RYR3: variants seen among roughly 807,000 people sequenced by gnomAD.
RYR3 encodes ryanodine receptor 3.
A neutral mutation model predicts 584.3 loss-of-function variants in RYR3; 207 were observed. The ratio of observed to expected loss-of-function variants is 0.35; its 90% CI spans 0.32 to 0.40. The LOEUF (loss-of-function observed/expected upper bound fraction) is 0.40, where lower values mean the gene tolerates loss of function less well. Ranked by LOEUF, RYR3 falls within the 10% of genes least tolerant of loss-of-function variation. The pLI is 1.00. For synonymous variants in RYR3, 2,416 were observed against 2,248.5 expected, an observed-to-expected ratio of 1.07 and a Z score of -2.11; for missense variants, 5,616 against 6,089.2, an observed-to-expected ratio of 0.92 and a Z score of 2.59.
At chr15:33,582,475 T>A (rs1257655353) in intron 14 of RYR3, among the ~76,000 whole-genome samples, 4 of 152,210 alleles carry the variant, frequency 2.6e-5, no homozygotes, top group Non-Finnish European at 5.9e-5. Flanking sequence ...CCCTGTAAAG[T>A]GTCTTCAAAC....
intron 19 of RYR3, among the ~76,000 whole-genome samples, chr15:33,620,984 T>G (rs1179818891): frequency 6.6e-6 from 1 of 152,256 alleles, no homozygotes; most frequent in Non-Finnish European, 1.5e-5. Context: ...TGTTAATTTA[T>G]TTTACAGTTT....
At chr15:33,628,232 A>G (rs1595887473) in intron 20 of RYR3, among the ~76,000 whole-genome samples, 1 of 152,278 alleles carries the variant, frequency 6.6e-6, no homozygotes, top group Admixed American at 6.5e-5. Flanking sequence ...AGAACATTCA[A>G]CACATACACC....
At chr15:33,724,614 G>A (rs1014892013) in intron 45 of RYR3, among the ~76,000 whole-genome samples, 7 of 152,170 alleles carry the variant, frequency 4.6e-5, no homozygotes, top group Non-Finnish European at 7.3e-5. Flanking sequence ...CAGAGGTAGA[G>A]TTTGCAAACA....
rs68182512 is a variant in RYR3, at chr15:33,425,637, A to ATTTTTT, written c.52-47765_52-47760dup. On this transcript the variant is annotated intron_variant, in intron 1 of 103. Coordinates refer to ENST00000634891, the MANE Select transcript of RYR3 (RefSeq NM_001036.6). Reference sequence around the variant, plus strand: ...AGCTTCTACTAGGTTGAGACTCACAATTTTTTTTTTTTTTTTTTTTTTGAG... The same window carrying ATTTTTT: ...AGCTTCTACTAGGTTGAGACTCACAATTTTTTTTTTTTTTTTTTTTTTTTTTTTGAG... 6.3e-4 allele frequency among the ~76,000 whole-genome samples: 77 copies of ATTTTTT among 121,800 alleles called. 2 individuals are homozygous for ATTTTTT. The highest frequency in any genetic ancestry group is 1.9e-3 in the African/African-American group (56 of 30,050). The allele number at this position is 121,800 out of a possible 152,430, so 79.9% of individuals were successfully genotyped here. A position where few individuals can be genotyped will look rare whatever the true frequency, so the allele number is the denominator to read the frequency against.
intron 12 of RYR3, among the ~76,000 whole-genome samples, chr15:33,574,899 G>A (rs2058215835): frequency 6.6e-6 from 1 of 152,078 alleles, no homozygotes; most frequent in Admixed American, 6.6e-5. Flanking sequence ...CACATGCAAA[G>A]ACATGCATAA....
chr15:33,669,321 A>T, intron 36 of RYR3, 33 bp from the exon 37 acceptor site: 1 of 1,578,722 alleles, frequency 6.3e-7, no homozygotes, highest in East Asian at 2.2e-5. Context: ...AACATTGAGA[A>T]CCAACTAGCT....
rs369733746 is a variant in RYR3 at position 33,854,496 on chromosome 15, G to A, written c.13860+47G>A. 2.2e-3 allele frequency: 3,286 copies of A among 1,465,930 alleles called. 100 individuals are homozygous for A. The South Asian group carries it at 0.039, about 17-fold the overall frequency. The allele number at this position is 1,465,930 out of a possible 1,614,324, so 90.8% of individuals were successfully genotyped here. ...ACAAAATTCTATACCCCAGTTCAGG[G>A]ATGCCACAGAGAAGCAAGCTATGCA... On this transcript the variant is annotated intron_variant, in intron 97 of 103. Coordinates refer to ENST00000634891, the MANE Select transcript of RYR3 (RefSeq NM_001036.6).
rs536638831 is a variant in RYR3, at chr15:33,359,299, G to A, written c.51+48203G>A. Among the ~76,000 whole-genome samples, 27 of 152,230 alleles carry A rather than the reference G, an allele frequency of 1.8e-4. No individual in the cohort carries two copies. In the East Asian group the frequency reaches 2.1e-3, roughly 12 times the overall value. ...CAAAGGCCTCTACTCACTTTCCAGC[G>A]TACTTAAATTCCAAATTCCTCACCT... On this transcript the variant is annotated intron_variant, in intron 1 of 103. Transcript: ENST00000634891.
intron 64 of RYR3, among the ~76,000 whole-genome samples, chr15:33,775,402 T>C (rs2073930595): frequency 6.6e-6 from 1 of 152,178 alleles, no homozygotes; most frequent in Non-Finnish European, 1.5e-5. Context: ...AGCAGGCAGC[T>C]TCGCATCTGA....
intron 19 of RYR3, among the ~76,000 whole-genome samples, chr15:33,622,974 A>G (rs528307331): frequency 4.0e-4 from 61 of 152,354 alleles, no homozygotes; most frequent in African/African-American, 1.5e-3. Flanking sequence ...ATACTGAATT[A>G]CAATATTGAA....
chr15:33,731,881 C>T (rs1320873148), intron 48 of RYR3, among the ~76,000 whole-genome samples, 187 bp downstream of exon 48: 24 of 152,198 alleles, frequency 1.6e-4, no homozygotes, highest in Admixed American at 1.5e-3. Flanking sequence ...TTCCTTGAGG[C>T]TCATCTTTCC....
intron 38 of RYR3, among the ~76,000 whole-genome samples, chr15:33,694,023 C>T (rs1400438888): frequency 6.6e-6 from 1 of 152,092 alleles, no homozygotes; most frequent in African/African-American, 2.4e-5. Context: ...GAGGACGTTA[C>T]TTTTCTTGAA....
chr15:33,787,688 A>G (rs903327789), intron 66 of RYR3, among the ~76,000 whole-genome samples: 1 of 152,200 alleles, frequency 6.6e-6, no homozygotes, highest in African/African-American at 2.4e-5. Context: ...AGGAGTCTCC[A>G]GGCAATAGGT....
chr15:33,416,692 A>G (rs2043837493), intron 1 of RYR3, among the ~76,000 whole-genome samples: 1 of 152,172 alleles, frequency 6.6e-6, no homozygotes, highest in African/African-American at 2.4e-5. Flanking sequence ...TCTTTAGCTT[A>G]CTTAGGTCCC....
chr15:33,567,241 CAACTGT>C (rs1402880884), intron 12 of RYR3, among the ~76,000 whole-genome samples: 1 of 152,152 alleles, frequency 6.6e-6, no homozygotes, highest in Non-Finnish European at 1.5e-5. Context: ...TTGGGTTACC[CAACTGT>C]GGCTGTGGCT....
chr15:33,785,677 A>G lies in RYR3; in HGVS notation c.9284A>G (p.Asp3095Gly), dbSNP rs567995390. 2.6e-4 allele frequency: 420 copies of G among 1,597,152 alleles called. 3 individuals carry two copies. In the South Asian group the frequency reaches 4.3e-3, roughly 16 times the overall value. ...TCTCAATCAGTTCTGGGGATGCCAG[A>G]CACGGTAGAAGACATGTGTCCTGAC... ...PRERSILGMP[D>G]TVEDMCPDIP... The change falls in exon 66 of 104, where the codon GAC becomes GGC. Residue 3095 changes from aspartate to glycine, a missense_variant. Physicochemically the swap from Asp to Gly is moderately conservative, Grantham distance 94. This residue lies in a region of RYR3 where 954 missense variants were observed against 1,132.2 expected (regional missense o/e 0.84). Coordinates refer to ENST00000634891, the MANE Select transcript of RYR3 (RefSeq NM_001036.6).
chr15:33,422,603 T>C (rs2044316854), intron 1 of RYR3, among the ~76,000 whole-genome samples: 1 of 151,968 alleles, frequency 6.6e-6, no homozygotes, highest in South Asian at 2.1e-4. Context: ...GTAGGGGTGG[T>C]ATGTGAGCCC....
chr15:33,386,149 T>C (rs1382959238), intron 1 of RYR3, among the ~76,000 whole-genome samples: 1 of 152,262 alleles, frequency 6.6e-6, no homozygotes, highest in East Asian at 1.9e-4. Context: ...AGCATTTCTT[T>C]TGATTCATAC....
Position 33,726,497 on chromosome 15 carries a change from C to G in RYR3, c.7024C>G (p.Leu2342Val), listed in dbSNP as rs527789059. Residue 2342 changes from leucine (L) to valine (V), a missense_variant, in exon 46 of 104, where the codon CTC becomes GTC. Physicochemically the swap from Leu to Val is conservative, Grantham distance 32. Transcript: ENST00000634891. ...IISIPLKLPS[L>V]NKDGSVSEPD... ...CAGCATCCCCTTGAAACTGCCCTCC[C>G]TCAACAAAGGTAAGGGGAGTGACTG... is the stretch of plus-strand genomic sequence containing the variant. The G allele has an allele frequency of 6.3e-7, 1 of 1,595,748 alleles. No homozygotes were observed. Among genetic ancestry groups the G allele is most frequent in the Admixed American group, 1.7e-5 (1 of 57,446 alleles).
Sources: allele counts gnomAD v4.1 joint callset (sites outside exome capture counted in the v4.1 genomes callset), GRCh38; gene constraint gnomAD v4.1.1; regional missense constraint gnomAD v4.1.1; transcripts MANE v1.5; gene names NCBI Gene and HGNC (gene_info 2026-07-23, HGNC 2026-07-21).